FAHD1: variants seen among roughly 807,000 people sequenced by gnomAD.
FAHD1 encodes the protein oxaloacetate tautomerase FAHD1, mitochondrial.
In FAHD1, 14 loss-of-function variants were observed where a neutral mutation model predicts 12.7. The ratio of observed to expected loss-of-function variants is 1.10; its 90% confidence interval spans 0.73 to 1.72. The LOEUF (loss-of-function observed/expected upper bound fraction) is 1.72, where lower values mean the gene tolerates loss of function less well. FAHD1 is among the 40% of genes most tolerant of loss of function. The pLI, the probability that FAHD1 is intolerant of heterozygous loss-of-function variation, is 0.00. For synonymous variants in FAHD1, 153 were observed against 124.9 expected, an observed-to-expected ratio of 1.22 and a Z score of -1.50; for missense variants, 351 against 298.9, an observed-to-expected ratio of 1.17 and a Z score of -1.29.
downstream of FAHD1, among the ~76,000 whole-genome samples, chr16:1,830,915 T>TCTACACACACACACACACAC (rs1326026830): frequency 2.1e-4 from 8 of 37,566 alleles, no homozygotes; most frequent in African/African-American, 8.1e-4. Context: ...TCTCTCTCTC[T>TCTACACACACACACACACAC]ATACACACAC....
rs1168113052 is a variant in FAHD1 at position 1,837,862 on chromosome 16, C to T, written c.628-154C>T. The stretch of plus-strand genomic sequence containing the variant: ...TCTGTTCATCTGTCATTGCAAGAAA[C>T]TCATGTACCTGGTTAAAAAAAAAAT... On this transcript the variant is annotated intron_variant, in intron 1 of 2. Transcript: ENST00000382666. 2.6e-6 allele frequency: 4 copies of T among 1,510,590 alleles called. No individual in the cohort carries two copies. The African/African-American group carries it at 5.7e-5, about 21-fold the overall frequency. The allele number at this position is 1,510,590 out of a possible 1,614,324, so 93.6% of individuals were successfully genotyped here.
chr16:1,839,403 T>A (rs1429585900), exon 3 of FAHD1: 2 of 1,613,226 alleles, frequency 1.2e-6, no homozygotes, highest in South Asian at 2.2e-5. Context: ...TGTGCACATG[T>A]TAGATGCTTC....
chr16:1,838,826 G>A (rs937401381), intron 2 of FAHD1, among the ~76,000 whole-genome samples: 2 of 152,206 alleles, frequency 1.3e-5, no homozygotes, highest in African/African-American at 4.8e-5. Context: ...TGAGTAGCTA[G>A]GATTACAAGT....
At chr16:1,830,922 AC>A (rs1898609890), downstream of FAHD1, among the ~76,000 whole-genome samples, 1 of 78,586 alleles carries the variant, frequency 1.3e-5, no homozygotes, top group African/African-American at 3.4e-5. Context: ...CTCTATACAC[AC>A]ACACACACAC....
chr16:1,837,882 AAAAATAT>A (rs1167937070), intron 1 of FAHD1: 1 of 1,492,026 alleles, frequency 6.7e-7, no homozygotes, highest in East Asian at 2.5e-5. Context: ...TGGTTAAAAA[AAAAATAT>A]GAGACAAATA....
At chr16:1,831,960 A>G (rs1466259100), downstream of FAHD1, among the ~76,000 whole-genome samples, 2 of 152,076 alleles carry the variant, frequency 1.3e-5, no homozygotes, top group Non-Finnish European at 2.9e-5. Flanking sequence ...CCAGGTGCCA[A>G]AAAGTTTGGG....
At chr16:1,828,626 A>C (rs894412867) in exon 1 of FAHD1, 2 of 993,014 alleles carry the variant, frequency 2.0e-6, no homozygotes, top group Non-Finnish European at 2.4e-6. Flanking sequence ...ATTTGTAAAA[A>C]TAAAAATCTC....
chr16:1,830,633 A>C (rs2142065106), downstream of FAHD1, among the ~76,000 whole-genome samples: 1 of 152,352 alleles, frequency 6.6e-6, no homozygotes, highest in Middle Eastern at 3.4e-3. Context: ...GTAGGCACAC[A>C]AAGTCCTTAG....
intron 1 of FAHD1, among the ~76,000 whole-genome samples, chr16:1,834,940 A>AC (rs140912036): frequency 0.011 from 1,128 of 98,524 alleles, 7 homozygotes; most frequent in Middle Eastern, 0.019. Context: ...TGTCCCCCCC[A>AC]CCCCCCCCCA....
chr16:1,839,473 G>A, exon 3 of FAHD1: 1 of 1,548,470 alleles, frequency 6.5e-7, no homozygotes, highest in Non-Finnish European at 8.8e-7. Flanking sequence ...AAAATGTGAT[G>A]CCCTAAGCTA....
chr16:1,831,360 A>G (rs1454417576), downstream of FAHD1, among the ~76,000 whole-genome samples: 1 of 152,322 alleles, frequency 6.6e-6, no homozygotes, highest in Middle Eastern at 3.4e-3. Flanking sequence ...CAGAAAGGGC[A>G]GGGAGCAAAC....
At chr16:1,830,941 CA>C (rs1567269171), downstream of FAHD1, among the ~76,000 whole-genome samples, 4 of 126,368 alleles carry the variant, frequency 3.2e-5, no homozygotes, top group East Asian at 4.5e-4. Context: ...CACACACACA[CA>C]CACCCATATT....
At chr16:1,832,813 A>G (rs1898648056), downstream of FAHD1, among the ~76,000 whole-genome samples, 1 of 151,814 alleles carries the variant, frequency 6.6e-6, no homozygotes. Context: ...TGGCTTCACA[A>G]ACCCCCCAGT....
downstream of FAHD1, among the ~76,000 whole-genome samples, chr16:1,829,141 T>A (rs1425169226): frequency 6.6e-6 from 1 of 152,274 alleles, no homozygotes; most frequent in East Asian, 1.9e-4. Flanking sequence ...TGAAAAAACA[T>A]CCAGGCAAGA....
At chr16:1,839,198 G>T (rs1006950728) in intron 2 of FAHD1, 1 of 1,463,536 alleles carries the variant, frequency 6.8e-7, no homozygotes, top group Non-Finnish European at 9.1e-7. Context: ...ATATTTTTTT[G>T]GGAAAAAGCA....
chr16:1,834,934 C>T (rs1691594119), intron 1 of FAHD1, among the ~76,000 whole-genome samples: 1 of 109,818 alleles, frequency 9.1e-6, no homozygotes, highest in African/African-American at 3.4e-5. Flanking sequence ...AAACTCTGTC[C>T]CCCCCACCCC....
At chr16:1,833,377 T>G (rs66659109), downstream of FAHD1, among the ~76,000 whole-genome samples, 26,939 of 151,702 alleles carry the variant, frequency 0.18, 2,547 homozygotes, top group South Asian at 0.27. Flanking sequence ...GGCACTCCAG[T>G]GTGTCACCAG....
At chr16:1,831,571 G>C (rs35002595), downstream of FAHD1, among the ~76,000 whole-genome samples, 27,020 of 152,060 alleles carry the variant, frequency 0.18, 2,563 homozygotes, top group South Asian at 0.27. Flanking sequence ...GAGCATCCCC[G>C]ACAGATTGCA....
chr16:1,837,300 A>G (rs953260733), intron 1 of FAHD1, among the ~76,000 whole-genome samples: 1 of 149,512 alleles, frequency 6.7e-6, no homozygotes, highest in Non-Finnish European at 1.5e-5. Context: ...TAATTGTGCT[A>G]TCTTACACTG....
Sources: allele counts gnomAD v4.1 joint callset (sites outside exome capture counted in the v4.1 genomes callset), GRCh38; gene constraint gnomAD v4.1.1; transcripts MANE v1.5; gene names NCBI Gene and HGNC (gene_info 2026-07-23, HGNC 2026-07-21).